Variants in ZNF202 observed in about 807,000 individuals in gnomAD.
ZNF202 encodes zinc finger protein 202.
A neutral mutation model predicts 54.5 loss-of-function variants in ZNF202; 22 were observed. The ratio of observed to expected loss-of-function variants is 0.40; its 90% CI spans 0.29 to 0.58. ZNF202 has a LOEUF of 0.58. ZNF202 is among the 20% of genes least tolerant of loss of function. The pLI is 0.39. For synonymous variants in ZNF202, 294 were observed against 301.4 expected (o/e 0.98, Z 0.26); for missense variants, 644 against 805.5 (o/e 0.80, Z 2.43).
chr11:123,726,574 A>T lies in ZNF202; in HGVS notation c.1370T>A (p.Leu457Gln), dbSNP rs748429680. 5.3e-5 allele frequency: 85 copies of T among 1,614,052 alleles called. No homozygotes were observed. Among genetic ancestry groups the T allele is most frequent in the Non-Finnish European group, 6.4e-5 (75 of 1,180,040 alleles). Residue 457 changes from leucine (L) to glutamine (Q), a missense_variant, in exon 9 of 9, where the codon CTA (leucine) becomes CAA (glutamine). Leu to Gln is a moderately radical substitution (Grantham distance 113). Around this residue, in one of 3 missense-constraint regions of ZNF202, gnomAD observed 536 missense variants for 635.3 expected, o/e 0.84. Coordinates refer to ENST00000530393, the MANE Select transcript of ZNF202 (RefSeq NM_003455.4). This position sits in a 1 kb window ranked among gnomAD's most constrained non-coding sequence, Gnocchi z 6.0. ...HKMNAPYKYPLNRKNLEETSP... is the reference protein window; with the variant it reads ...HKMNAPYKYPQNRKNLEETSP... ...GGTCTCTTCCAAATTCTTCCGGTTT[A>T]GGGGATATTTGTAAGGCGCGTTCAT...
intron 3 of ZNF202, among the ~76,000 whole-genome samples, chr11:123,734,686 A>G (rs953849343): frequency 6.6e-6 from 1 of 152,226 alleles, no homozygotes; most frequent in Non-Finnish European, 1.5e-5. Flanking sequence ...CTCTGAGGGC[A>G]GGGATATGCT....
At chr11:123,728,348 A>C in intron 6 of ZNF202, 86 bp from the exon 7 acceptor site, 1 of 1,452,696 alleles carries the variant, frequency 6.9e-7, no homozygotes, top group South Asian at 1.3e-5. Flanking sequence ...CAATAGGTGG[A>C]CTCCTCTAGG....
chr11:123,732,656 A>C (rs1323435978), intron 3 of ZNF202, among the ~76,000 whole-genome samples: 1 of 152,142 alleles, frequency 6.6e-6, no homozygotes, highest in Non-Finnish European at 1.5e-5. Flanking sequence ...TGGTCATATT[A>C]CATAGCCATC....
rs759469080 is a variant in ZNF202 at position 123,737,048 on chromosome 11, C to CA, written c.-98+3068dup. 2.4e-3 allele frequency among the ~76,000 whole-genome samples: 359 copies of CA among 147,482 alleles called. 1 individual carries two copies. Among genetic ancestry groups the CA allele is most frequent in the African/African-American group, 6.9e-3 (279 of 40,300 alleles). Reference sequence around the variant, plus strand: ...TTATATCAAAGAAACCATGCTAAACCAAAAAAAAAATCCTTGCTTTGGAGG... The same window carrying CA: ...TTATATCAAAGAAACCATGCTAAACCAAAAAAAAAAATCCTTGCTTTGGAGG... On this transcript the variant is annotated intron_variant, in intron 3 of 8. Coordinates refer to ENST00000530393, the MANE Select transcript of ZNF202 (RefSeq NM_003455.4).
intron 3 of ZNF202, among the ~76,000 whole-genome samples, chr11:123,733,438 G>C (rs1861498573): frequency 6.6e-6 from 1 of 152,014 alleles, no homozygotes; most frequent in African/African-American, 2.4e-5. Context: ...CAAGTGGCTT[G>C]TAATTTTTTT....
intron 1 of ZNF202, 75 bp downstream of exon 1, chr11:123,741,474 C>CCTGCCCGGCT (rs1199869618): frequency 2.0e-5 from 3 of 152,464 alleles, no homozygotes; most frequent in Non-Finnish European, 4.4e-5. Flanking sequence ...TCCTCCCCGC[C>CCTGCCCGGCT]CTGCCCGGCT....
rs144788408 is a variant in ZNF202 at position 123,735,557 on chromosome 11, T to C, written c.-98+4560A>G. ...TAAGAGATGGGAAATGAATAGGAGGTACAGCAGTGCTGTGCACAGCACCAA... is the reference window on the plus strand; with the variant it reads ...TAAGAGATGGGAAATGAATAGGAGGCACAGCAGTGCTGTGCACAGCACCAA... On this transcript the variant is annotated intron_variant, in intron 3 of 8. Transcript: ENST00000530393. Among the ~76,000 whole-genome samples the C allele has an allele frequency of 1.1e-3, 172 of 152,028 alleles. 2 individuals are homozygous for C. Among genetic ancestry groups the C allele is most frequent in the East Asian group, 5.8e-3 (30 of 5,150 alleles).
rs888546473 is a variant in ZNF202, at chr11:123,725,176, T to C, written c.*821A>G. ...CACTCAAACACTACCATCTCACTTGTAGTAGAAGTGCTAGGGATGCAACCA... is the reference window on the plus strand; with the variant it reads ...CACTCAAACACTACCATCTCACTTGCAGTAGAAGTGCTAGGGATGCAACCA... On this transcript the variant is annotated 3_prime_UTR_variant, in exon 9 of 9. Transcript: ENST00000530393. The C allele has an allele frequency of 4.6e-5, 7 of 152,326 alleles. No individual in the cohort carries two copies. In the South Asian group the frequency reaches 1.5e-3, roughly 32 times the overall value. The allele number at this position is 152,326 out of a possible 1,614,324, so 9.4% of individuals were successfully genotyped here. A position where few individuals can be genotyped will look rare whatever the true frequency, so the allele number is the denominator to read the frequency against.
chr11:123,729,302 G>A, intron 5 of ZNF202, 88 bp from the exon 6 acceptor site: 1 of 1,335,954 alleles, frequency 7.5e-7, no homozygotes, highest in Non-Finnish European at 1.0e-6. Context: ...ATCTTTGGTA[G>A]GAAGGTGGCC....
chr11:123,726,547 G>A lies in ZNF202; in HGVS notation c.1397C>T (p.Ser466Phe), dbSNP rs1861149592. 6.2e-7 allele frequency: 1 copy of A among 1,614,242 alleles called. No individual in the cohort carries two copies. Among genetic ancestry groups the A allele is most frequent in the Non-Finnish European group, 8.5e-7 (1 of 1,180,046 alleles). Residue 466 changes from serine (S) to phenylalanine (F), a missense_variant, in exon 9 of 9, where the codon TCC (serine) becomes TTC (phenylalanine). This residue lies in a region of ZNF202 where 536 missense variants were observed against 635.3 expected (regional missense o/e 0.84). Coordinates refer to ENST00000530393, the MANE Select transcript of ZNF202 (RefSeq NM_003455.4). The surrounding 1 kb of genome is among the most constrained non-coding windows in gnomAD (Gnocchi z 6.0). ...PLNRKNLEET[S>F]PVTQAERTPS... ...AGTTCTCTCAGCCTGTGTCACAGGGGAGGTCTCTTCCAAATTCTTCCGGTT... is the reference window on the plus strand; with the variant it reads ...AGTTCTCTCAGCCTGTGTCACAGGGAAGGTCTCTTCCAAATTCTTCCGGTT...
chr11:123,730,934 C>T lies in ZNF202; in HGVS notation c.-46G>A. On this transcript the variant is annotated 5_prime_UTR_variant, in exon 4 of 9. An upstream start codon of the reference 5' UTR is lost. Coordinates refer to ENST00000530393, the MANE Select transcript of ZNF202 (RefSeq NM_003455.4). The surrounding 1 kb of genome is among the most constrained non-coding windows in gnomAD (Gnocchi z 6.0). ...TCACACCATCTAGAGCTCACACTGT[C>T]ATTAGCCCCCCGCCTCAGCCTGGAC... The T allele has an allele frequency of 6.4e-7, 1 of 1,567,040 alleles. No homozygotes were observed. Among genetic ancestry groups the T allele is most frequent in the Non-Finnish European group, 8.7e-7 (1 of 1,155,988 alleles).
At chr11:123,727,106 T>C (rs893003735) in intron 8 of ZNF202, 115 bp from the exon 9 acceptor site, 4 of 1,304,722 alleles carry the variant, frequency 3.1e-6, no homozygotes, top group Non-Finnish European at 3.1e-6. Flanking sequence ...AGAATGCCTG[T>C]CCTGTGCCAA....
chr11:123,741,205 C>A (rs558876117), intron 1 of ZNF202, among the ~76,000 whole-genome samples: 1 of 152,036 alleles, frequency 6.6e-6, no homozygotes, highest in Non-Finnish European at 1.5e-5. Flanking sequence ...TCCGGGGGGA[C>A]AGTTGGCGCG....
At chr11:123,731,024 G>A in intron 3 of ZNF202, 39 bp from the exon 4 acceptor site, 1 of 1,001,656 alleles carries the variant, frequency 1.0e-6, no homozygotes. Flanking sequence ...GTATAAGCAT[G>A]AAACTATACA....
chr11:123,726,456 A>G lies in ZNF202; in HGVS notation c.1488T>C (p.Leu496=), dbSNP rs767447789. 5.3e-5 allele frequency: 86 copies of G among 1,614,134 alleles called. No individual in the cohort carries two copies. Among genetic ancestry groups the G allele is most frequent in the Non-Finnish European group, 7.1e-5 (84 of 1,180,052 alleles). ...CGKHFRWTSD[L]VRHQRTHTGE... is the part of the protein sequence containing the mutation. ...CAGTATGTGTCCTCTGATGTCTGAC[A>G]AGGTCTGAAGTCCAGCGGAAGTGCT... The change falls in exon 9 of 9, where the codon CTT becomes CTC. Residue 496 remains leucine, a synonymous_variant. Coordinates refer to ENST00000530393, the MANE Select transcript of ZNF202 (RefSeq NM_003455.4). The surrounding 1 kb of genome is among the most constrained non-coding windows in gnomAD (Gnocchi z 6.0).
At position 123,726,798 on chromosome 11, in the gene ZNF202, G is replaced by A. The variant is rs749554236; in HGVS notation, c.1146C>T (p.Asn382=). 3.7e-6 allele frequency: 6 copies of A among 1,614,046 alleles called. No homozygotes were observed. In the Admixed American group the frequency reaches 8.3e-5, roughly 22 times the overall value. Residue 382 remains asparagine (N), a synonymous_variant, in exon 9 of 9, where the codon AAC becomes AAT. Transcript: ENST00000530393. The surrounding 1 kb of genome is among the most constrained non-coding windows in gnomAD (Gnocchi z 6.0). Reference sequence around the variant, plus strand: ...GGTGGACGGGTGTAGTTTCCCGAAGGTTCACAAAACTATTCACTTGAGAAA... The same window carrying A: ...GGTGGACGGGTGTAGTTTCCCGAAGATTCACAAAACTATTCACTTGAGAAA... ...TNISQVNSFV[N]LRETTPVHPL...
chr11:123,729,692 G>T lies in ZNF202; in HGVS notation c.536C>A (p.Thr179Lys), dbSNP rs1196999442. ...CGGTGCCCCCAGATCTGGGCTCTGT[G>T]TGGTTTCCTCAGGAGACTGCTCGGG... ...STPEQSPEET[T>K]QSPDLGAPAE... The change falls in exon 5 of 9, where the codon ACA becomes AAA. Residue 179 changes from threonine to lysine, a missense_variant. Thr to Lys is a moderately conservative substitution (Grantham distance 78). Coordinates refer to ENST00000530393, the MANE Select transcript of ZNF202 (RefSeq NM_003455.4). The T allele has an allele frequency of 8.1e-6, 13 of 1,613,342 alleles. No individual in the cohort carries two copies. Among genetic ancestry groups the T allele is most frequent in the Non-Finnish European group, 9.3e-6 (11 of 1,179,772 alleles).
Position 123,725,931 on chromosome 11 carries a change from G to A in ZNF202, c.*66C>T. On this transcript the variant is annotated 3_prime_UTR_variant, in exon 9 of 9. Coordinates refer to ENST00000530393, the MANE Select transcript of ZNF202 (RefSeq NM_003455.4). ...AAGGTCTTCCCAGGCTGACAAGAGG[G>A]CTTTTCCTCTTCCTCACCTCCCTTA... is the stretch of plus-strand genomic sequence containing the variant. The A allele has an allele frequency of 1.3e-6, 2 of 1,525,950 alleles. No homozygotes were observed. The highest frequency in any genetic ancestry group is 1.8e-6 in the Non-Finnish European group (2 of 1,136,996). The allele number at this position is 1,525,950 out of a possible 1,614,324, so 94.5% of individuals were successfully genotyped here. A position where few individuals can be genotyped will look rare whatever the true frequency, so the allele number is the denominator to read the frequency against.
chr11:123,739,474 T>C (rs1861769620), intron 3 of ZNF202: 1 of 152,202 alleles, frequency 6.6e-6, no homozygotes, highest in South Asian at 2.1e-4. Context: ...TGCAGAATTT[T>C]AGCAATACTA....
Sources: gnomAD v4.1 joint callset for allele counts (sites outside exome capture counted in the v4.1 genomes callset) on GRCh38, gnomAD v4.1.1 for gene constraint, gnomAD v4.1.1 regional missense constraint, Gnocchi (gnomAD v3.1) non-coding constraint, MANE v1.5 for transcripts, NCBI Gene and HGNC (gene_info 2026-07-23, HGNC 2026-07-21) for gene names.